AKAP13: variants seen among roughly 807,000 people sequenced by gnomAD.
AKAP13 encodes the protein A-kinase anchor protein 13.
In AKAP13, 80 loss-of-function variants were observed where a neutral mutation model predicts 264.5. The ratio of observed to expected loss-of-function variants is 0.30; its 90% CI spans 0.25 to 0.36. The LOEUF (loss-of-function observed/expected upper bound fraction) is 0.36. AKAP13 is among the 10% of genes least tolerant of loss of function. The pLI is 1.00. For synonymous variants in AKAP13, 1,380 were observed against 1,250.2 expected (o/e 1.10, Z -2.19); for missense variants, 3,712 against 3,435.2 (o/e 1.08, Z -2.01).
Position 85,736,474 on chromosome 15 carries a change from GC to G in AKAP13, c.7557+343del, listed in dbSNP as rs200555061. Among the ~76,000 whole-genome samples the G allele has an allele frequency of 7.7e-3, 1,172 of 152,040 alleles. 17 individuals carry two copies. The highest frequency in any genetic ancestry group is 0.027 in the African/African-American group (1,100 of 41,478). ...GTTTGAGATGGGGTCTCACTCTATC[GC>G]CCAGCTCGCTGCAACCTCTACCTCC... On this transcript the variant is annotated intron_variant, in intron 33 of 36. Transcript: ENST00000394518.
At position 85,738,049 on chromosome 15, in the gene AKAP13, T is replaced by C. The variant is rs996634989; in HGVS notation, c.7557+1915T>C. ...AGACATTCCAGTATGGATTAGACAC[T>C]ATAAATGCTTAGCTAGAGTCGGCAG... On this transcript the variant is annotated intron_variant, in intron 33 of 36. Coordinates refer to ENST00000394518, the MANE Select transcript of AKAP13 (RefSeq NM_007200.5). Among the ~76,000 whole-genome samples the C allele has an allele frequency of 2.6e-5, 4 of 151,988 alleles. No individual in the cohort carries two copies. In the East Asian group the frequency reaches 7.7e-4, roughly 29 times the overall value.
chr15:85,614,956 T>C (rs756515681), intron 8 of AKAP13, among the ~76,000 whole-genome samples: 6 of 152,222 alleles, frequency 3.9e-5, no homozygotes, highest in Non-Finnish European at 5.9e-5. Flanking sequence ...TAAACTATCC[T>C]GTCACTTTTT....
intron 8 of AKAP13, among the ~76,000 whole-genome samples, chr15:85,626,908 C>G (rs942750589): frequency 6.6e-6 from 1 of 152,114 alleles, no homozygotes. Context: ...CTCGCCAACA[C>G]TTATTTTCTA....
intron 1 of AKAP13, among the ~76,000 whole-genome samples, chr15:85,452,664 G>A (rs1018676665): frequency 1.3e-5 from 2 of 152,136 alleles, no homozygotes; most frequent in Admixed American, 6.5e-5. Context: ...AAAGCTTTGG[G>A]GTATGATCCA....
chr15:85,381,347 G>A (rs2070246025), intron 1 of AKAP13, among the ~76,000 whole-genome samples: 1 of 152,028 alleles, frequency 6.6e-6, no homozygotes, highest in African/African-American at 2.4e-5. Flanking sequence ...GCCTCTCCGC[G>A]GCTTCTCGGG....
chr15:85,585,293 T>G (rs2079293982), intron 7 of AKAP13, among the ~76,000 whole-genome samples: 1 of 152,232 alleles, frequency 6.6e-6, no homozygotes, highest in Non-Finnish European at 1.5e-5. Flanking sequence ...TCCTTTTTGT[T>G]TTGTACAAAT....
At chr15:85,430,443 A>T (rs992999526) in intron 1 of AKAP13, among the ~76,000 whole-genome samples, 1 of 152,198 alleles carries the variant, frequency 6.6e-6, no homozygotes, top group African/African-American at 2.4e-5. Flanking sequence ...TTTCTCTTCA[A>T]TTGTAGAGAG....
intron 6 of AKAP13, among the ~76,000 whole-genome samples, chr15:85,576,303 T>C (rs2079011576): frequency 6.6e-6 from 1 of 152,216 alleles, no homozygotes; most frequent in Non-Finnish European, 1.5e-5. Flanking sequence ...GGAGTATTTT[T>C]ACAACTATTT....
rs144246285 is a variant in AKAP13, at chr15:85,631,483, T to TTCTCTC, written c.4162-7876_4162-7871dup. Reference sequence around the variant, plus strand: ...AAATGCAAAATAACACACACACACTTTCTCTCTCTCTCTCTCTCTCACACA... The same window carrying TTCTCTC: ...AAATGCAAAATAACACACACACACTTTCTCTCTCTCTCTCTCTCTCTCTCTCACACA... On this transcript the variant is annotated intron_variant, in intron 8 of 36. Transcript: ENST00000394518. 3.9e-3 allele frequency among the ~76,000 whole-genome samples: 473 copies of TTCTCTC among 120,288 alleles called. 4 individuals are homozygous for TTCTCTC. Among genetic ancestry groups the TTCTCTC allele is most frequent in the African/African-American group, 9.3e-3 (284 of 30,430 alleles). The allele number at this position is 120,288 out of a possible 152,430, so 78.9% of individuals were successfully genotyped here.
At chr15:85,558,211 G>A (rs1266853661) in intron 5 of AKAP13, among the ~76,000 whole-genome samples, 6 of 152,180 alleles carry the variant, frequency 3.9e-5, no homozygotes, top group Admixed American at 3.3e-4. Context: ...ATGAGGGAGA[G>A]TAAATCAATG....
intron 8 of AKAP13, among the ~76,000 whole-genome samples, chr15:85,591,265 G>T (rs1219079787): frequency 6.6e-6 from 1 of 152,088 alleles, no homozygotes; most frequent in Admixed American, 6.5e-5. Flanking sequence ...TCATCTGAGG[G>T]TACACTTGGG....
chr15:85,579,631 G>A lies in AKAP13; in HGVS notation c.1563G>A (p.Val521=). 1 of 1,614,196 alleles carries A rather than the reference G, an allele frequency of 6.2e-7. No homozygotes were observed. The highest frequency in any genetic ancestry group is 1.3e-5 in the African/African-American group (1 of 75,052). ...SNIGTAGASD[V]HVTSKPVDKI... The stretch of plus-strand genomic sequence containing the variant: ...TTGGCACAGCTGGAGCCTCTGACGT[G>A]CACGTCACAAGTAAGCCTGTGGATA... The change falls in exon 7 of 37, where the codon GTG becomes GTA. Residue 521 remains valine, a synonymous_variant. Transcript: ENST00000394518.
At chr15:85,739,984 C>G (rs1056406900) in intron 33 of AKAP13, among the ~76,000 whole-genome samples, 3 of 152,196 alleles carry the variant, frequency 2.0e-5, no homozygotes, top group Non-Finnish European at 2.9e-5. Flanking sequence ...CTTTCTATTA[C>G]ATTTTAACTT....
chr15:85,619,854 C>G (rs558327459), intron 8 of AKAP13: 32 of 1,371,764 alleles, frequency 2.3e-5, no homozygotes, highest in Non-Finnish European at 3.0e-5. Context: ...TTCATCTTTC[C>G]AGCACTCTGA....
chr15:85,381,115 G>C (rs2083397807), intron 1 of AKAP13, among the ~76,000 whole-genome samples: 1 of 152,088 alleles, frequency 6.6e-6, no homozygotes, highest in African/African-American at 2.4e-5. Context: ...GGCCGCCGAT[G>C]CTACCTCAGG....
intron 4 of AKAP13, among the ~76,000 whole-genome samples, chr15:85,538,499 T>G (rs1014223369): frequency 1.3e-5 from 2 of 150,942 alleles, no homozygotes; most frequent in African/African-American, 4.9e-5. Context: ...TCTTTTTTTT[T>G]TTTTTTTTGA....
At chr15:85,504,503 CAAAAAAAAAAAAAAAAAAAAAAA>C (rs566579814) in intron 2 of AKAP13, among the ~76,000 whole-genome samples, 2 of 91,068 alleles carry the variant, frequency 2.2e-5, no homozygotes, top group African/African-American at 1.0e-4. Context: ...CCTGTCTTTA[CAAAAAAAAAAAAAAAAAAAAAAA>C]AAAAAAAAAG....
chr15:85,397,298 T>G (rs994770624), intron 1 of AKAP13, among the ~76,000 whole-genome samples: 1 of 152,176 alleles, frequency 6.6e-6, no homozygotes, highest in African/African-American at 2.4e-5. Flanking sequence ...TACTCCTCTT[T>G]CACCCCCTCT....
At chr15:85,563,618 A>G (rs2078495727) in intron 5 of AKAP13, among the ~76,000 whole-genome samples, 1 of 152,128 alleles carries the variant, frequency 6.6e-6, no homozygotes, top group Non-Finnish European at 1.5e-5. Context: ...AACTGTTCCT[A>G]CAAAAGCCAG....
Sources: gnomAD v4.1 joint callset for allele counts (sites outside exome capture counted in the v4.1 genomes callset) on GRCh38, gnomAD v4.1.1 for gene constraint, MANE v1.5 for transcripts, NCBI Gene and HGNC (gene_info 2026-07-23, HGNC 2026-07-21) for gene names.